Variants in NPRL3 observed in about 807,000 individuals in gnomAD.
NPRL3 encodes GATOR1 complex protein NPRL3.
Under a neutral mutation model 57.2 loss-of-function variants are expected in NPRL3, and 23 were observed. The observed-to-expected ratio is 0.40, with a 90% CI of 0.29 to 0.57. The LOEUF (loss-of-function observed/expected upper bound fraction) is 0.57. NPRL3 is among the 20% of genes least tolerant of loss of function. NPRL3 has a pLI of 0.42. For synonymous variants in NPRL3, 333 were observed against 321.1 expected (o/e 1.04, Z -0.39); for missense variants, 691 against 767.1 (o/e 0.90, Z 1.17).
intron 7 of NPRL3, among the ~76,000 whole-genome samples, chr16:100,824 A>ACG: frequency 1.3e-5 from 2 of 149,816 alleles, no homozygotes; most frequent in African/African-American, 4.9e-5. Context: ...TACAAAAATT[A>ACG]GCCAGGTGTG....
At chr16:123,864 G>A (rs1900390579) in intron 3 of NPRL3, among the ~76,000 whole-genome samples, 2 of 112,552 alleles carry the variant, frequency 1.8e-5, no homozygotes, top group African/African-American at 7.1e-5. Context: ...GAGAAAGAGG[G>A]TCACACACTC....
In NPRL3 at chr16:86,292, C is replaced by T. The variant is rs975405004; in HGVS notation, c.*413G>A. 1 of 198,768 alleles carries T rather than the reference C, an allele frequency of 5.0e-6. No homozygotes were observed. The highest frequency in any genetic ancestry group is 1.0e-5 in the Non-Finnish European group (1 of 96,422). The allele number at this position is 198,768 out of a possible 1,614,324, so 12.3% of individuals were successfully genotyped here. ...GTCAGAGAGACAGGGACAGGCCACA[C>T]AAGTGTTTCTGCACATTCTTCAGGG... On this transcript the variant is annotated 3_prime_UTR_variant, in exon 14 of 14. Transcript: ENST00000611875.
In NPRL3 at chr16:89,804, C is replaced by A; in HGVS notation, c.1260G>T (p.Glu420Asp). The A allele has an allele frequency of 6.3e-7, 1 of 1,595,906 alleles. No individual in the cohort carries two copies. Among genetic ancestry groups the A allele is most frequent in the Admixed American group, 1.7e-5 (1 of 57,472 alleles). Reference protein sequence around the residue: ...VCLMASPSEEEPRPREDDVPF... With the variant: ...VCLMASPSEEDPRPREDDVPF... ...GGACGTCGTCCTCTCGCGGACGGGG[C>A]TCCTCCTCGCTGGGTGAGGCCATCA... Residue 420 changes from glutamate to aspartate, a missense_variant, in exon 12 of 14, where the codon GAG (glutamate) becomes GAT (aspartate). Glu to Asp is a conservative substitution (Grantham distance 45). Coordinates refer to ENST00000611875, the MANE Select transcript of NPRL3 (RefSeq NM_001077350.3).
At chr16:116,725 G>A (rs1465114664) in intron 5 of NPRL3, among the ~76,000 whole-genome samples, 4 of 151,452 alleles carry the variant, frequency 2.6e-5, no homozygotes, top group Non-Finnish European at 2.9e-5. Flanking sequence ...CAGTCTGGGA[G>A]GCCAAGGTGG....
chr16:110,690 G>T (rs548908847), intron 6 of NPRL3, 84 bp from the exon 7 acceptor site: 33 of 1,096,432 alleles, frequency 3.0e-5, no homozygotes, highest in Non-Finnish European at 4.3e-5. Flanking sequence ...TGGGATTACA[G>T]GCGCCCGCCA....
intron 4 of NPRL3, among the ~76,000 whole-genome samples, chr16:117,592 C>A (rs988674814): frequency 1.8e-4 from 27 of 152,222 alleles, no homozygotes; most frequent in Admixed American, 5.2e-4. Context: ...CCTCGCCCCC[C>A]CGCTAACAGA....
chr16:92,748 G>C lies in NPRL3; in HGVS notation c.1032-23C>G, dbSNP rs757524017. 6 of 1,611,676 alleles carry C rather than the reference G, an allele frequency of 3.7e-6. No individual in the cohort carries two copies. In the East Asian group the frequency reaches 1.3e-4, roughly 36 times the overall value. The stretch of plus-strand genomic sequence containing the variant: ...TACCTGCAGGCAGGTGAGCATGCCA[G>C]TGAGTGCAGCAGACCCCCCCACCGT... On this transcript the variant is annotated intron_variant, in intron 10 of 13. Transcript: ENST00000611875.
chr16:109,407 C>T (rs1899684436), intron 7 of NPRL3, among the ~76,000 whole-genome samples: 1 of 152,208 alleles, frequency 6.6e-6, no homozygotes, highest in African/African-American at 2.4e-5. Flanking sequence ...GAGGAGACAG[C>T]TGGCCCCAGC....
chr16:93,921 G>A (rs893707988), intron 9 of NPRL3, among the ~76,000 whole-genome samples: 18 of 152,124 alleles, frequency 1.2e-4, no homozygotes, highest in Non-Finnish European at 1.3e-4. Flanking sequence ...CCCATCCTAT[G>A]CTGTCTTGAC....
At chr16:123,262 G>A (rs918736171) in intron 3 of NPRL3, among the ~76,000 whole-genome samples, 2 of 152,042 alleles carry the variant, frequency 1.3e-5, no homozygotes, top group Admixed American at 6.6e-5. Context: ...GAAGTCTCCC[G>A]GGTGCCAGCC....
intron 8 of NPRL3, among the ~76,000 whole-genome samples, chr16:98,556 A>C (rs1280469848): frequency 6.6e-6 from 1 of 152,236 alleles, no homozygotes; most frequent in Non-Finnish European, 1.5e-5. Context: ...CCTGGGACAC[A>C]AACAGGCAGC....
chr16:135,238 G>C (rs1395864999), intron 2 of NPRL3, among the ~76,000 whole-genome samples: 1 of 152,176 alleles, frequency 6.6e-6, no homozygotes, highest in Non-Finnish European at 1.5e-5. Context: ...TATAACTCCA[G>C]TTCCACAGGG....
intron 7 of NPRL3, among the ~76,000 whole-genome samples, chr16:106,629 TAAAAAAAA>T (rs763058746): frequency 6.7e-5 from 4 of 60,052 alleles, no homozygotes; most frequent in Non-Finnish European, 5.8e-5. Flanking sequence ...TGCCTTAAAT[TAAAAAAAA>T]AAAAAAAAAA....
chr16:86,466 G>C lies in NPRL3; in HGVS notation c.*239C>G, dbSNP rs778964527. Reference sequence around the variant, plus strand: ...CCCTCCAGCGTGGAGATGCCTACGCGTGCGGCAAGGACTGGAGGGAAGCGT... The same window carrying C: ...CCCTCCAGCGTGGAGATGCCTACGCCTGCGGCAAGGACTGGAGGGAAGCGT... On this transcript the variant is annotated 3_prime_UTR_variant, in exon 14 of 14. Transcript: ENST00000611875. The C allele has an allele frequency of 4.9e-5, 25 of 507,024 alleles. No homozygotes were observed. The highest frequency in any genetic ancestry group is 7.8e-5 in the Non-Finnish European group (22 of 281,004). 31.4% of individuals were successfully genotyped at this position (507,024 alleles called of 1,614,324 possible).
intron 7 of NPRL3, among the ~76,000 whole-genome samples, chr16:102,824 G>C (rs888094240): frequency 4.6e-5 from 7 of 152,198 alleles, no homozygotes; most frequent in Admixed American, 1.3e-4. Flanking sequence ...AGCAGTCTCA[G>C]CTTCTTCCAG....
chr16:120,136 C>G (rs930840459), intron 3 of NPRL3, among the ~76,000 whole-genome samples: 1 of 152,184 alleles, frequency 6.6e-6, no homozygotes, highest in Non-Finnish European at 1.5e-5. Context: ...TCTAGAAACA[C>G]AAATGTACTA....
At chr16:113,052 G>C (rs1899885267) in intron 5 of NPRL3, among the ~76,000 whole-genome samples, 1 of 150,320 alleles carries the variant, frequency 6.7e-6, no homozygotes, top group African/African-American at 2.4e-5. Flanking sequence ...GAAATGCCTG[G>C]GTGCCCTAAG....
Position 88,208 on chromosome 16 carries a change from G to A in NPRL3, c.1544+490C>T, listed in dbSNP as rs560299866. On this transcript the variant is annotated intron_variant, in intron 13 of 13. Coordinates refer to ENST00000611875, the MANE Select transcript of NPRL3 (RefSeq NM_001077350.3). ...TGGGCAAACCCCTGCCAAGTCCCAT[G>A]AGGGTGAGAACTTGGCACTTAAATT... Among the ~76,000 whole-genome samples, 580 of 152,302 alleles carry A rather than the reference G, an allele frequency of 3.8e-3. 4 individuals carry two copies. Among genetic ancestry groups the A allele is most frequent in the African/African-American group, 0.013 (561 of 41,572 alleles).
intron 2 of NPRL3, among the ~76,000 whole-genome samples, chr16:133,195 C>A (rs531429082): frequency 2.6e-5 from 4 of 152,132 alleles, no homozygotes; most frequent in Non-Finnish European, 5.9e-5. Context: ...ACAAACAAAG[C>A]TATTTACCTT....
Sources: gnomAD v4.1 joint callset for allele counts (sites outside exome capture counted in the v4.1 genomes callset) on GRCh38, gnomAD v4.1.1 for gene constraint, MANE v1.5 for transcripts, NCBI Gene and HGNC (gene_info 2026-07-23, HGNC 2026-07-21) for gene names.